The following GRIN2A variants were observed in gnomAD, a reference collection of about 807,000 sequenced individuals.
The protein encoded by GRIN2A is glutamate ionotropic receptor NMDA type subunit 2A.
Under a neutral mutation model 113.4 loss-of-function variants are expected in GRIN2A, and 22 were observed. The ratio of observed to expected loss-of-function variants is 0.19; its 90% CI spans 0.14 to 0.28. The LOEUF (loss-of-function observed/expected upper bound fraction) is 0.28, where lower values mean the gene tolerates loss of function less well. GRIN2A is among the 10% of genes least tolerant of loss of function. GRIN2A has a pLI of 1.00. For synonymous variants in GRIN2A, 827 were observed against 738.4 expected (o/e 1.12, Z -1.94); for missense variants, 1,502 against 1,887.0 (o/e 0.80, Z 3.78).
intron 2 of GRIN2A, among the ~76,000 whole-genome samples, chr16:10,123,724 A>T (rs2048875338): frequency 6.6e-6 from 1 of 152,162 alleles, no homozygotes; most frequent in Non-Finnish European, 1.5e-5. Context: ...CACACTTTGA[A>T]TGATGAGATC....
At chr16:10,120,886 C>T (rs1436379267) in intron 2 of GRIN2A, among the ~76,000 whole-genome samples, 1 of 152,036 alleles carries the variant, frequency 6.6e-6, no homozygotes, top group Non-Finnish European at 1.5e-5. Flanking sequence ...GTCATCCCCA[C>T]ACTGTCCTCC....
chr16:9,924,110 C>CAA (rs921695456), intron 3 of GRIN2A, among the ~76,000 whole-genome samples: 276 of 18,156 alleles, frequency 0.015, 6 homozygotes, highest in African/African-American at 0.032. Context: ...GACTTGGTCT[C>CAA]AAAAAAAAAA....
At chr16:10,088,495 A>G (rs1267677932) in intron 2 of GRIN2A, among the ~76,000 whole-genome samples, 1 of 152,098 alleles carries the variant, frequency 6.6e-6, no homozygotes, top group East Asian at 1.9e-4. Flanking sequence ...CCCACCCTAG[A>G]CCTGCGGCAT....
chr16:9,771,334 A>G (rs963378923), intron 11 of GRIN2A, among the ~76,000 whole-genome samples: 4 of 147,930 alleles, frequency 2.7e-5, no homozygotes, highest in African/African-American at 5.0e-5. Flanking sequence ...CAATAGATGT[A>G]TTTTCCCGTT....
chr16:10,076,389 T>C (rs2142043834), intron 2 of GRIN2A, among the ~76,000 whole-genome samples: 1 of 152,210 alleles, frequency 6.6e-6, no homozygotes, highest in Middle Eastern at 3.4e-3. Flanking sequence ...CAATGCCAAG[T>C]TTGTATCCAG....
chr16:9,806,162 A>C (rs1422900720), intron 10 of GRIN2A, among the ~76,000 whole-genome samples: 1 of 152,168 alleles, frequency 6.6e-6, no homozygotes, highest in East Asian at 1.9e-4. Context: ...ACTGGGGTCA[A>C]TTCTTTTGTG....
intron 4 of GRIN2A, among the ~76,000 whole-genome samples, chr16:9,865,476 G>C (rs192073928): frequency 5.6e-4 from 85 of 152,232 alleles, no homozygotes; most frequent in Non-Finnish European, 8.1e-4. Flanking sequence ...TAAAAGAACC[G>C]TGCATTTGGA....
intron 11 of GRIN2A, among the ~76,000 whole-genome samples, chr16:9,776,712 T>A (rs1901626282): frequency 6.6e-6 from 1 of 152,088 alleles, no homozygotes; most frequent in Admixed American, 6.6e-5. Context: ...GGGTTCGCTG[T>A]GAACACCGAG....
At chr16:9,815,919 G>T (rs1351582100) in intron 10 of GRIN2A, among the ~76,000 whole-genome samples, 3 of 152,230 alleles carry the variant, frequency 2.0e-5, no homozygotes, top group Admixed American at 1.3e-4. Context: ...TGAATACGAT[G>T]AAATACTGTT....
chr16:9,902,970 T>TGGGGGGGG (rs2043959779), intron 3 of GRIN2A, among the ~76,000 whole-genome samples: 1 of 7,516 alleles, frequency 1.3e-4, no homozygotes, highest in Non-Finnish European at 2.7e-4. Flanking sequence ...GGCGGGGGGG[T>TGGGGGGGG]GGGGGGGTGG....
At chr16:9,851,811 AC>A (rs1184524611) in intron 4 of GRIN2A, among the ~76,000 whole-genome samples, 1 of 152,226 alleles carries the variant, frequency 6.6e-6, no homozygotes, top group Non-Finnish European at 1.5e-5. Context: ...ACAGGGTATG[AC>A]CTTGAAGACT....
intron 2 of GRIN2A, among the ~76,000 whole-genome samples, chr16:10,177,690 A>G (rs1290872262): frequency 6.6e-6 from 1 of 152,228 alleles, no homozygotes; most frequent in Non-Finnish European, 1.5e-5. Context: ...AAAGGAGAGA[A>G]GAATGTTTCC....
intron 2 of GRIN2A, among the ~76,000 whole-genome samples, chr16:10,055,180 T>C (rs2047436200): frequency 6.6e-6 from 1 of 150,620 alleles, no homozygotes; most frequent in African/African-American, 2.4e-5. Flanking sequence ...CTAATACCAT[T>C]ATACCCTAGG....
intron 10 of GRIN2A, among the ~76,000 whole-genome samples, chr16:9,806,818 G>T (rs1012313944): frequency 7.2e-5 from 11 of 151,970 alleles, no homozygotes; most frequent in African/African-American, 2.4e-4. Context: ...TAACGGGGAA[G>T]GAGTGAGGAC....
chr16:10,167,309 A>G (rs1402883337), intron 2 of GRIN2A, among the ~76,000 whole-genome samples: 3 of 152,152 alleles, frequency 2.0e-5, no homozygotes, highest in Non-Finnish European at 4.4e-5. Context: ...ATCACCCCAA[A>G]TTATCTTAAA....
chr16:10,027,131 C>T (rs527434899), intron 2 of GRIN2A, among the ~76,000 whole-genome samples: 23 of 152,330 alleles, frequency 1.5e-4, no homozygotes, highest in East Asian at 5.8e-4. Context: ...GTATCTCCAG[C>T]ATGCACAGCC....
At chr16:9,778,142 A>G (rs1362893375) in intron 11 of GRIN2A, among the ~76,000 whole-genome samples, 1 of 152,334 alleles carries the variant, frequency 6.6e-6, no homozygotes, top group Middle Eastern at 3.4e-3. Context: ...AAAAATTAAA[A>G]AGAGGATTGG....
chr16:10,095,762 C>A (rs1484997826), intron 2 of GRIN2A, among the ~76,000 whole-genome samples: 1 of 152,076 alleles, frequency 6.6e-6, no homozygotes, highest in Non-Finnish European at 1.5e-5. Flanking sequence ...GCAGATACTA[C>A]CTTAACCACG....
Position 9,878,854 on chromosome 16 carries a change from G to GACAC in GRIN2A, c.1122+12128_1122+12131dup, listed in dbSNP as rs35475437. ...AGCAACAACAAAAGAACCAGTGCAAGACACACACACACACACACACACACG... is the reference window on the plus strand; with the variant it reads ...AGCAACAACAAAAGAACCAGTGCAAGACACACACACACACACACACACACACACG... On this transcript the variant is annotated intron_variant, in intron 4 of 12. Coordinates refer to ENST00000330684, the MANE Select transcript of GRIN2A (RefSeq NM_001134407.3). 3.1e-4 allele frequency among the ~76,000 whole-genome samples: 46 copies of GACAC among 149,198 alleles called. 1 individual carries two copies. The East Asian group carries it at 6.1e-3, about 20-fold the overall frequency.
Sources: allele counts gnomAD v4.1 joint callset (sites outside exome capture counted in the v4.1 genomes callset), GRCh38; gene constraint gnomAD v4.1.1; transcripts MANE v1.5; gene names NCBI Gene and HGNC (gene_info 2026-07-23, HGNC 2026-07-21).